Variants in ENG observed in about 807,000 individuals in gnomAD.
ENG encodes CD105 antigen.
ENG carries 17 observed loss-of-function variants against 71.0 expected under a neutral mutation model. The ratio of observed to expected loss-of-function variants is 0.24; its 90% CI spans 0.16 to 0.36. ENG has a LOEUF of 0.36. ENG is among the 10% of genes least tolerant of loss of function. The pLI is 1.00. For missense variants in ENG, 749 were observed against 868.3 expected (o/e 0.86, Z 1.73); for synonymous variants, 360 against 366.9 (o/e 0.98, Z 0.21).
chr9:127,850,754 G>A (rs1477519294), intron 1 of ENG, among the ~76,000 whole-genome samples: 4 of 152,244 alleles, frequency 2.6e-5, no homozygotes, highest in Non-Finnish European at 2.9e-5. Flanking sequence ...ACCCAGCACA[G>A]GCCACGAGCC....
At chr9:127,817,743 G>A (rs962176379) in intron 12 of ENG, 6 of 395,302 alleles carry the variant, frequency 1.5e-5, no homozygotes, top group Middle Eastern at 7.8e-4. Context: ...TCCTTTGTCC[G>A]CCTCTCTTCC....
At chr9:127,843,756 T>TATATATATATATGTA (rs58967129) in intron 1 of ENG, among the ~76,000 whole-genome samples, 1 of 4,262 alleles carries the variant, frequency 2.3e-4, no homozygotes, top group Non-Finnish European at 5.0e-4. Flanking sequence ...TATATATATA[T>TATATATATATATGTA]TTTTTTTTTT....
chr9:127,829,898 G>A, intron 2 of ENG, 71 bp from the exon 3 acceptor site: 1 of 1,604,024 alleles, frequency 6.2e-7, no homozygotes, highest in Non-Finnish European at 8.5e-7. Context: ...CAGACAGGCA[G>A]TGATGATTTG....
rs1168445630 is a variant in ENG at position 127,838,181 on chromosome 9, G to A, written c.219+4913C>T. Among the ~76,000 whole-genome samples, 1 of 152,152 alleles carries A rather than the reference G, an allele frequency of 6.6e-6. No homozygotes were observed. The highest frequency in any genetic ancestry group is 1.5e-5 in the Non-Finnish European group (1 of 68,026). ...CCATGCAGTGCTCCCCTGGAGGATG[G>A]AACAGGAAAGATCCCTGCAGCCCTG... On this transcript the variant is annotated intron_variant, in intron 2 of 14. Coordinates refer to ENST00000373203, the MANE Select transcript of ENG (RefSeq NM_001114753.3). The surrounding 1 kb of genome is among the most constrained non-coding windows in gnomAD (Gnocchi z 4.3).
rs1131691674 is a variant in ENG, at chr9:127,825,858, G to T, written c.526C>A (p.Gln176Lys). 1 of 1,589,198 alleles carries T rather than the reference G, an allele frequency of 6.3e-7. No homozygotes were observed. Among genetic ancestry groups the T allele is most frequent in the East Asian group, 2.3e-5 (1 of 43,348 alleles). Residue 176 changes from glutamine to lysine, a missense_variant and splice_region_variant, in exon 5 of 15, where the codon CAG becomes AAG. By Grantham distance (53) the Gln-to-Lys change is moderately conservative. Transcript: ENST00000373203. ...AGCATGCAGAAGGACAGTGACCCCT[G>T]GGCTGCAGAGACACGCGCACCTCAG... ...QSILLRLGQA[Q>K]GSLSFCMLEA...
chr9:127,846,629 A>G lies in ENG; in HGVS notation c.68-3384T>C, dbSNP rs41508145. 1.2e-4 allele frequency among the ~76,000 whole-genome samples: 19 copies of G among 152,186 alleles called. No homozygotes were observed. The highest frequency in any genetic ancestry group is 2.6e-4 in the Non-Finnish European group (18 of 67,964). The stretch of plus-strand genomic sequence containing the variant: ...GGGAGATCAGATAAGAGGTCCATTT[A>G]TTTTGGGGCCTTTTCGAATCCTGGC... On this transcript the variant is annotated intron_variant, in intron 1 of 14. Transcript: ENST00000373203. This position sits in a 1 kb window ranked among gnomAD's most constrained non-coding sequence, Gnocchi z 5.5.
intron 2 of ENG, among the ~76,000 whole-genome samples, chr9:127,835,570 C>T (rs1217990242): frequency 1.3e-5 from 2 of 152,180 alleles, no homozygotes; most frequent in Non-Finnish European, 2.9e-5. Context: ...CATGGTGACA[C>T]CCACAGGCCA....
Position 127,817,997 on chromosome 9 carries a change from C to A in ENG, c.1686+123G>T, listed in dbSNP as rs140575490. ...GCAGCCAGACTGCCAGGCCACATGCCTGATTAAGGCTCCGCCCCTCACCAG... is the reference window on the plus strand; with the variant it reads ...GCAGCCAGACTGCCAGGCCACATGCATGATTAAGGCTCCGCCCCTCACCAG... On this transcript the variant is annotated intron_variant, in intron 12 of 14. Coordinates refer to ENST00000373203, the MANE Select transcript of ENG (RefSeq NM_001114753.3). 213 of 1,521,430 alleles carry A rather than the reference C, an allele frequency of 1.4e-4. 1 individual carries two copies. The East Asian group carries it at 3.3e-3, about 24-fold the overall frequency. The allele number at this position is 1,521,430 out of a possible 1,614,324, so 94.2% of individuals were successfully genotyped here. A position where few individuals can be genotyped will look rare whatever the true frequency, so the allele number is the denominator to read the frequency against.
intron 8 of ENG, among the ~76,000 whole-genome samples, chr9:127,823,939 C>A (rs575921095): frequency 6.6e-6 from 1 of 152,186 alleles, no homozygotes; most frequent in African/African-American, 2.4e-5. Context: ...TCTTGGCCTC[C>A]CAAAGTGCTG....
chr9:127,825,162 C>T lies in ENG; in HGVS notation c.816+69G>A, dbSNP rs1325606740. The T allele has an allele frequency of 2.0e-5, 33 of 1,612,578 alleles. No individual in the cohort carries two copies. The Admixed American group carries it at 5.5e-4, about 27-fold the overall frequency. Reference sequence around the variant, plus strand: ...CAGCTCAGCTCGGGGGTTCACCTTTCCAGGAAACTTCCCTGATCCAGAGGT... The same window carrying T: ...CAGCTCAGCTCGGGGGTTCACCTTTTCAGGAAACTTCCCTGATCCAGAGGT... On this transcript the variant is annotated intron_variant, in intron 6 of 14. Coordinates refer to ENST00000373203, the MANE Select transcript of ENG (RefSeq NM_001114753.3).
intron 3 of ENG, 118 bp from the exon 4 acceptor site, chr9:127,826,790 G>T (rs187421162): frequency 7.4e-7 from 1 of 1,355,996 alleles, no homozygotes; most frequent in African/African-American, 1.4e-5. Context: ...AAAGAGGCCG[G>T]AGCTGAGAAT....
chr9:127,850,378 G>T (rs969320652), intron 1 of ENG, among the ~76,000 whole-genome samples: 2 of 152,240 alleles, frequency 1.3e-5, no homozygotes, highest in African/African-American at 4.8e-5. Context: ...CTCCAGCCCT[G>T]GGGCAAAAGA....
chr9:127,818,418 C>T (rs373575704), intron 11 of ENG, 41 bp from the exon 12 acceptor site: 23 of 1,608,566 alleles, frequency 1.4e-5, no homozygotes, highest in Non-Finnish European at 1.9e-5. Context: ...GGCAGCTGCT[C>T]TTCACCCCAC....
At chr9:127,850,487 G>C (rs984290872) in intron 1 of ENG, among the ~76,000 whole-genome samples, 5 of 152,160 alleles carry the variant, frequency 3.3e-5, no homozygotes, top group African/African-American at 1.2e-4. Context: ...GGGTGAGGGA[G>C]AATGCTAATG....
intron 1 of ENG, among the ~76,000 whole-genome samples, chr9:127,850,282 G>A (rs1178127130): frequency 6.6e-6 from 1 of 152,246 alleles, no homozygotes; most frequent in African/African-American, 2.4e-5. Flanking sequence ...CTATAAACTG[G>A]GGATAGAGGC....
At chr9:127,849,396 T>C (rs1369311252) in intron 1 of ENG, among the ~76,000 whole-genome samples, 3 of 152,218 alleles carry the variant, frequency 2.0e-5, no homozygotes, top group Admixed American at 6.5e-5. Context: ...ATTTTGTTTC[T>C]AACACCACAA....
chr9:127,826,364 G>A, intron 4 of ENG, 146 bp downstream of exon 4: 1 of 1,030,762 alleles, frequency 9.7e-7, no homozygotes, highest in Non-Finnish European at 1.4e-6. Flanking sequence ...ACTGTCCCAA[G>A]GCAGCACTGG....
At chr9:127,817,985 C>CA (rs1178421840) in intron 12 of ENG, 135 bp downstream of exon 12, 2 of 1,449,224 alleles carry the variant, frequency 1.4e-6, no homozygotes, top group Admixed American at 3.8e-5. Context: ...GCCAGACTGC[C>CA]AGGCCACATG....
intron 12 of ENG, 127 bp from the exon 13 acceptor site, chr9:127,817,330 C>A: frequency 1.1e-6 from 1 of 897,802 alleles, no homozygotes; most frequent in Non-Finnish European, 1.8e-6. Context: ...CGCTTCGTAG[C>A]TGGATGCCTC....
Sources: allele counts gnomAD v4.1 joint callset (sites outside exome capture counted in the v4.1 genomes callset), GRCh38; gene constraint gnomAD v4.1.1; non-coding constraint Gnocchi (gnomAD v3.1); transcripts MANE v1.5; gene names NCBI Gene and HGNC (gene_info 2026-07-23, HGNC 2026-07-21).